Variants in CRYBB3 observed in about 807,000 individuals in gnomAD.
CRYBB3 encodes crystallin beta B3.
CRYBB3 carries 35 observed loss-of-function variants against 28.3 expected under a neutral mutation model. The ratio of observed to expected loss-of-function variants is 1.24; its 90% CI spans 0.95 to 1.64. CRYBB3 has a LOEUF of 1.64. Among genes scored for constraint, CRYBB3 ranks in the 40% most tolerant of loss-of-function variants. The pLI is 0.00. For synonymous variants in CRYBB3, 106 were observed against 110.4 expected (o/e 0.96, Z 0.25); for missense variants, 296 against 297.4 (o/e 1.00, Z 0.04).
intron 3 of CRYBB3, 65 bp from the exon 4 acceptor site, chr22:25,203,698 C>T: frequency 6.3e-7 from 1 of 1,596,708 alleles, no homozygotes; most frequent in Admixed American, 1.7e-5. Context: ...ACACTTCTCT[C>T]ACTAAACTTG....
chr22:25,205,579 C>T (rs562621045), intron 5 of CRYBB3, among the ~76,000 whole-genome samples: 2 of 152,300 alleles, frequency 1.3e-5, no homozygotes, highest in Admixed American at 6.5e-5. Context: ...CCTGCCTCAG[C>T]CTCCCGAGTA....
At chr22:25,203,950 A>T in intron 4 of CRYBB3, 55 bp downstream of exon 4, 1 of 1,611,612 alleles carries the variant, frequency 6.2e-7, no homozygotes, top group South Asian at 1.1e-5. Context: ...GTGCACTGAG[A>T]GCTGGTCAGG....
chr22:25,203,335 C>T (rs1336813396), intron 3 of CRYBB3, among the ~76,000 whole-genome samples: 4 of 152,130 alleles, frequency 2.6e-5, no homozygotes, highest in Non-Finnish European at 5.9e-5. Flanking sequence ...GTTTTCTCAT[C>T]TGTTGAATGG....
chr22:25,205,090 C>T (rs1254922364), intron 4 of CRYBB3, 130 bp from the exon 5 acceptor site: 21 of 1,226,270 alleles, frequency 1.7e-5, no homozygotes, highest in Non-Finnish European at 2.3e-5. Flanking sequence ...TGAGGCCCTT[C>T]CCTCCTGCAG....
chr22:25,202,826 C>A (rs1362642862), intron 3 of CRYBB3, 34 bp downstream of exon 3: 1 of 1,611,544 alleles, frequency 6.2e-7, no homozygotes, highest in Non-Finnish European at 8.5e-7. Flanking sequence ...CTCGCCACAG[C>A]CCTGAGCCTT....
At chr22:25,202,283 T>C (rs1934960025) in intron 2 of CRYBB3, among the ~76,000 whole-genome samples, 1 of 152,116 alleles carries the variant, frequency 6.6e-6, no homozygotes, top group African/African-American at 2.4e-5. Context: ...AACAGGTGTT[T>C]TCATTTTTTT....
In CRYBB3 at chr22:25,202,803, A is replaced by AGG; in HGVS notation, c.194+12_194+13insGG. 6.2e-7 allele frequency: 1 copy of AGG among 1,613,406 alleles called. No homozygotes were observed. Among genetic ancestry groups the AGG allele is most frequent in the South Asian group, 1.1e-5 (1 of 91,026 alleles). The stretch of plus-strand genomic sequence containing the variant: ...AGTGGAGTCCGGGCCGTGAGTACCT[A>AGG]GACCCCCAGTCCCTCGCCACAGCCC... On this transcript the variant is annotated intron_variant, in intron 3 of 5. Transcript: ENST00000215855.
intron 2 of CRYBB3, 110 bp downstream of exon 2, chr22:25,201,581 C>G (rs539217392): frequency 1.3e-6 from 2 of 1,518,554 alleles, no homozygotes; most frequent in East Asian, 4.8e-5. Flanking sequence ...TTCCAACCAC[C>G]CAGGCCAGGA....
rs376046044 is a variant in CRYBB3 at position 25,203,754 on chromosome 22, C to T, written c.195-9C>T. Reference sequence around the variant, plus strand: ...AAAGGTGACCCAGCCAAGCCTCTTCCTCCCTCAGGTGGCTGGCATTTGAGT... The same window carrying T: ...AAAGGTGACCCAGCCAAGCCTCTTCTTCCCTCAGGTGGCTGGCATTTGAGT... On this transcript the variant is annotated splice_polypyrimidine_tract_variant and intron_variant, in intron 3 of 5. Transcript: ENST00000215855. 6.2e-7 allele frequency: 1 copy of T among 1,614,182 alleles called. No homozygotes were observed. Among genetic ancestry groups the T allele is most frequent in the Non-Finnish European group, 8.5e-7 (1 of 1,180,030 alleles).
chr22:25,205,869 C>A (rs1168122249), intron 5 of CRYBB3, among the ~76,000 whole-genome samples: 1 of 152,164 alleles, frequency 6.6e-6, no homozygotes, highest in Non-Finnish European at 1.5e-5. Context: ...TCCACCTGTT[C>A]CCATCTGAGT....
In CRYBB3 at chr22:25,203,839, G is replaced by T. The variant is rs768166313; in HGVS notation, c.271G>T (p.Ala91Ser). 2.5e-6 allele frequency: 4 copies of T among 1,614,068 alleles called. No homozygotes were observed. In the African/African-American group the frequency reaches 5.3e-5, roughly 22 times the overall value. The change falls in exon 4 of 6, where the codon GCC (alanine) becomes TCC (serine). Residue 91 changes from alanine (A) to serine (S), a missense_variant. By Grantham distance (99) the Ala-to-Ser change is moderately conservative (BLOSUM62 1). Coordinates refer to ENST00000215855, the MANE Select transcript of CRYBB3 (RefSeq NM_004076.5). ...GAAGGGGGATTATCCTCGCTGGGATGCCTGGTCCAACAGCCGTGATAGTGA... is the reference window on the plus strand; with the variant it reads ...GAAGGGGGATTATCCTCGCTGGGATTCCTGGTCCAACAGCCGTGATAGTGA... ...LEKGDYPRWD[A>S]WSNSRDSDSL...
chr22:25,205,013 A>G (rs1180843229), intron 4 of CRYBB3, among the ~76,000 whole-genome samples: 1 of 152,150 alleles, frequency 6.6e-6, no homozygotes, highest in African/African-American at 2.4e-5. Context: ...CTAGGTTCCT[A>G]AATCAACCAG....
Position 25,205,357 on chromosome 22 carries a change from C to T in CRYBB3, c.465C>T (p.Asn155=), listed in dbSNP as rs760710928. 3.2e-5 allele frequency: 51 copies of T among 1,613,888 alleles called. No individual in the cohort carries two copies. Among genetic ancestry groups the T allele is most frequent in the South Asian group, 8.8e-5 (8 of 91,048 alleles). The change falls in exon 5 of 6, where the codon AAC becomes AAT. Residue 155 remains asparagine (N), a synonymous_variant. Coordinates refer to ENST00000215855, the MANE Select transcript of CRYBB3 (RefSeq NM_004076.5). Reference sequence around the variant, plus strand: ...GTGTGGCGAGTGTCCGTGCCATCAACGGGACGTAAGGGACCCAACCCTCAC... The same window carrying T: ...GTGTGGCGAGTGTCCGTGCCATCAATGGGACGTAAGGGACCCAACCCTCAC... ...QDRVASVRAI[N]GTWVGYEFPG... is the part of the protein sequence containing the mutation.
chr22:25,199,993 A>G (rs575632215), intron 1 of CRYBB3, 84 bp downstream of exon 1: 2 of 152,254 alleles, frequency 1.3e-5, no homozygotes, highest in South Asian at 2.1e-4. Context: ...TGGGACGCGC[A>G]TGGCTGACCG....
At position 25,205,258 on chromosome 22, in the gene CRYBB3, A is replaced by C. The variant is rs746875400; in HGVS notation, c.366A>C (p.Pro122=). Residue 122 remains proline (P), a synonymous_variant, in exon 5 of 6, where the codon CCA becomes CCC. Coordinates refer to ENST00000215855, the MANE Select transcript of CRYBB3 (RefSeq NM_004076.5). ...ACAAGCTGCATCTGTTTGAGAACCCAGCTTTCAGTGGCCGCAAGATGGAGA... is the reference window on the plus strand; with the variant it reads ...ACAAGCTGCATCTGTTTGAGAACCCCGCTTTCAGTGGCCGCAAGATGGAGA... ...PHHKLHLFEN[P]AFSGRKMEIV... 6.2e-7 allele frequency: 1 copy of C among 1,614,066 alleles called. No homozygotes were observed. Among genetic ancestry groups the C allele is most frequent in the Non-Finnish European group, 8.5e-7 (1 of 1,180,010 alleles).
At chr22:25,202,052 G>T (rs969456016) in intron 2 of CRYBB3, among the ~76,000 whole-genome samples, 5 of 152,242 alleles carry the variant, frequency 3.3e-5, no homozygotes, top group Non-Finnish European at 5.9e-5. Context: ...TCGAATCCCA[G>T]TGCCTCCTCT....
chr22:25,205,406 C>T, intron 5 of CRYBB3, 44 bp downstream of exon 5: 1 of 1,611,066 alleles, frequency 6.2e-7, no homozygotes, highest in Non-Finnish European at 8.5e-7. Context: ...TCTGGTCAGC[C>T]ATGCCTCTGG....
intron 1 of CRYBB3, among the ~76,000 whole-genome samples, chr22:25,200,448 GGA>G (rs139965114): frequency 1.4e-4 from 21 of 150,648 alleles, no homozygotes; most frequent in Admixed American, 5.3e-4. Flanking sequence ...GTGTGTGTGA[GGA>G]GAGAGAGAGA....
At chr22:25,204,857 C>T (rs182057541) in intron 4 of CRYBB3, among the ~76,000 whole-genome samples, 54 of 152,308 alleles carry the variant, frequency 3.5e-4, no homozygotes, top group Admixed American at 2.5e-3. Context: ...AAGATTAAAC[C>T]GGCATCTGGT....
Sources: gnomAD v4.1 joint callset for allele counts (sites outside exome capture counted in the v4.1 genomes callset) on GRCh38, gnomAD v4.1.1 for gene constraint, MANE v1.5 for transcripts, NCBI Gene and HGNC (gene_info 2026-07-23, HGNC 2026-07-21) for gene names.